DTWD2: variants seen among roughly 807,000 people sequenced by gnomAD.
DTWD2 encodes the protein DTW motif tRNA-uridine aminocarboxypropyltransferase 2.
In DTWD2, 39 loss-of-function variants were observed where a neutral mutation model predicts 31.8. The ratio of observed to expected loss-of-function variants is 1.22; its 90% CI spans 0.95 to 1.60. The LOEUF (loss-of-function observed/expected upper bound fraction) is 1.60. DTWD2 is among the 40% of genes most tolerant of loss of function. DTWD2 has a pLI of 0.00. For missense variants in DTWD2, 515 were observed against 381.5 expected, an observed-to-expected ratio of 1.35 and a Z score of -2.92; for synonymous variants, 180 against 142.8, an observed-to-expected ratio of 1.26 and a Z score of -1.86.
intron 4 of DTWD2, among the ~76,000 whole-genome samples, chr5:118,858,720 T>C (rs1424946695): frequency 2.6e-5 from 4 of 152,182 alleles, no homozygotes; most frequent in African/African-American, 7.2e-5. Context: ...TATACAAGCA[T>C]AGGTGATTAC....
intron 4 of DTWD2, among the ~76,000 whole-genome samples, chr5:118,909,363 C>T (rs1041575373): frequency 1.3e-5 from 2 of 152,210 alleles, no homozygotes; most frequent in African/African-American, 4.8e-5. Context: ...CCCCAGAGGC[C>T]TGCTTTGCAG....
chr5:118,847,657 A>G (rs1281707130), intron 5 of DTWD2, among the ~76,000 whole-genome samples: 1 of 152,048 alleles, frequency 6.6e-6, no homozygotes, highest in East Asian at 1.9e-4. Context: ...AGCAAGGTTA[A>G]CACGAGAAAC....
At chr5:118,912,602 G>A (rs2149571359) in intron 4 of DTWD2, among the ~76,000 whole-genome samples, 1 of 152,204 alleles carries the variant, frequency 6.6e-6, no homozygotes, top group South Asian at 2.1e-4. Context: ...TTTTTTCATG[G>A]CTAATTCTGC....
At chr5:118,874,523 T>A (rs1280965568) in intron 4 of DTWD2, among the ~76,000 whole-genome samples, 1 of 152,134 alleles carries the variant, frequency 6.6e-6, no homozygotes, top group Non-Finnish European at 1.5e-5. Context: ...GTAAGCAACA[T>A]GATAGAGCTG....
chr5:118,899,151 T>C (rs999362816), intron 4 of DTWD2, among the ~76,000 whole-genome samples: 1 of 152,236 alleles, frequency 6.6e-6, no homozygotes, highest in African/African-American at 2.4e-5. Context: ...TGTTGGCGAT[T>C]CCACTACGTG....
At chr5:118,962,769 G>A (rs1754734928) in intron 1 of DTWD2, among the ~76,000 whole-genome samples, 1 of 152,222 alleles carries the variant, frequency 6.6e-6, no homozygotes, top group Non-Finnish European at 1.5e-5. Flanking sequence ...CCTGTCAGCA[G>A]GAGGTAGTAT....
At chr5:118,924,471 G>A (rs1211246490) in intron 4 of DTWD2, among the ~76,000 whole-genome samples, 1 of 152,110 alleles carries the variant, frequency 6.6e-6, no homozygotes, top group Non-Finnish European at 1.5e-5. Context: ...CATGAAAGGG[G>A]CATGTTAACT....
chr5:118,852,375 A>G lies in DTWD2; in HGVS notation c.598-4157T>C, dbSNP rs569357324. ...GAGGATTAAGAGATTAAAGTAAGAC[A>G]GGTGTAAGAAATTATAAGAGTATTA... On this transcript the variant is annotated intron_variant, in intron 4 of 5. Transcript: ENST00000510708. Among the ~76,000 whole-genome samples the G allele has an allele frequency of 2.0e-5, 3 of 152,290 alleles. No homozygotes were observed. The South Asian group carries it at 6.2e-4, about 32-fold the overall frequency.
chr5:118,879,658 A>G (rs1198469422), intron 4 of DTWD2, among the ~76,000 whole-genome samples: 1 of 151,876 alleles, frequency 6.6e-6, no homozygotes, highest in Non-Finnish European at 1.5e-5. Context: ...TTGCAGGGAC[A>G]TGGATGGAGC....
chr5:118,847,864 TG>T (rs1443815663), intron 5 of DTWD2, among the ~76,000 whole-genome samples: 1 of 152,192 alleles, frequency 6.6e-6, no homozygotes, highest in Non-Finnish European at 1.5e-5. Flanking sequence ...TTACAAATGC[TG>T]TTTGCACAGT....
In DTWD2 at chr5:118,934,508, T is replaced by A. The variant is rs544814123; in HGVS notation, c.404+4688A>T. 2.2e-4 allele frequency among the ~76,000 whole-genome samples: 34 copies of A among 152,058 alleles called. 1 individual carries two copies. The highest frequency in any genetic ancestry group is 1.8e-3 in the Admixed American group (28 of 15,264). On this transcript the variant is annotated intron_variant, in intron 3 of 5. Coordinates refer to ENST00000510708, the MANE Select transcript of DTWD2 (RefSeq NM_173666.4). ...TATATTTAATGTATAATGTTATTAATTCAAGGTAAACAGTGATAAAGTAAG... is the reference window on the plus strand; with the variant it reads ...TATATTTAATGTATAATGTTATTAAATCAAGGTAAACAGTGATAAAGTAAG...
intron 3 of DTWD2, among the ~76,000 whole-genome samples, chr5:118,934,693 C>T (rs1753998586): frequency 6.6e-6 from 1 of 152,062 alleles, no homozygotes; most frequent in African/African-American, 2.4e-5. Context: ...AGACAAATAT[C>T]ACTATGGTAT....
chr5:118,874,919 T>C (rs1459711648), intron 4 of DTWD2, among the ~76,000 whole-genome samples: 1 of 151,734 alleles, frequency 6.6e-6, no homozygotes, highest in Non-Finnish European at 1.5e-5. Flanking sequence ...CATCAGATCC[T>C]CCAAGATCAA....
At chr5:118,853,863 G>A (rs936570879) in intron 4 of DTWD2, among the ~76,000 whole-genome samples, 4 of 152,128 alleles carry the variant, frequency 2.6e-5, no homozygotes, top group East Asian at 3.8e-4. Flanking sequence ...CTGAATCTAC[G>A]AAGTTAAAAA....
At chr5:118,982,986 G>C (rs932925118) in intron 1 of DTWD2, among the ~76,000 whole-genome samples, 4 of 152,064 alleles carry the variant, frequency 2.6e-5, no homozygotes, top group African/African-American at 7.2e-5. Context: ...ACTGTGCCTG[G>C]CCCAAAATAG....
intron 4 of DTWD2, among the ~76,000 whole-genome samples, chr5:118,919,723 G>A (rs902932685): frequency 6.6e-6 from 1 of 152,150 alleles, no homozygotes; most frequent in South Asian, 2.1e-4. Flanking sequence ...CCACAATGCT[G>A]TTTAAACATT....
intron 4 of DTWD2, among the ~76,000 whole-genome samples, chr5:118,924,373 C>A (rs940476388): frequency 6.6e-6 from 1 of 152,172 alleles, no homozygotes; most frequent in African/African-American, 2.4e-5. Context: ...AAGCCTGAAG[C>A]CTCTCCTACT....
At chr5:118,908,490 C>T (rs1753383320) in intron 4 of DTWD2, among the ~76,000 whole-genome samples, 1 of 152,004 alleles carries the variant, frequency 6.6e-6, no homozygotes, top group Admixed American at 6.6e-5. Context: ...ATTAAGAAAA[C>T]AGATTTCAAA....
At chr5:118,902,421 G>A (rs1226663808) in intron 4 of DTWD2, among the ~76,000 whole-genome samples, 1 of 151,954 alleles carries the variant, frequency 6.6e-6, no homozygotes, top group Non-Finnish European at 1.5e-5. Context: ...ATCAAATAAT[G>A]TATCACAAAC....
Sources: gnomAD v4.1 joint callset for allele counts (sites outside exome capture counted in the v4.1 genomes callset) on GRCh38, gnomAD v4.1.1 for gene constraint, MANE v1.5 for transcripts, NCBI Gene and HGNC (gene_info 2026-07-23, HGNC 2026-07-21) for gene names.